LIPF: variants seen among roughly 807,000 people sequenced by gnomAD.
LIPF encodes the protein gastric triacylglycerol lipase.
In LIPF, 25 loss-of-function variants were observed where a neutral mutation model predicts 38.0. The observed-to-expected ratio is 0.66, with a 90% confidence interval of 0.48 to 0.92. The LOEUF (loss-of-function observed/expected upper bound fraction) is 0.92. Among genes scored for constraint, LIPF ranks in the 40% least tolerant of loss-of-function variants. LIPF has a pLI of 0.00. For synonymous variants in LIPF, 161 were observed against 156.2 expected, an observed-to-expected ratio of 1.03 and a Z score of -0.23; for missense variants, 410 against 469.9, an observed-to-expected ratio of 0.87 and a Z score of 1.18.
Position 88,668,977 on chromosome 10 carries a change from G to A in LIPF, c.422+221G>A, listed in dbSNP as rs1841555463. The A allele has an allele frequency of 8.4e-6, 4 of 473,628 alleles. No homozygotes were observed. The Admixed American group carries it at 1.4e-4, about 16-fold the overall frequency. The allele number at this position is 473,628 out of a possible 1,614,324, so 29.3% of individuals were successfully genotyped here. On this transcript the variant is annotated intron_variant, in intron 4 of 9. Coordinates refer to ENST00000238983, the MANE Select transcript of LIPF (RefSeq NM_004190.4). ...CAGGAGTCTCCATTAGGGATTTCCA[G>A]AAAGTGATTTTCCAAATGGAATGAA... is the stretch of plus-strand genomic sequence containing the variant.
At chr10:88,676,366 G>T in intron 9 of LIPF, 86 bp downstream of exon 9, 1 of 801,908 alleles carries the variant, frequency 1.2e-6, no homozygotes, top group Non-Finnish European at 2.0e-6. Flanking sequence ...TGTTAACTGC[G>T]CATCTGTTTT....
At chr10:88,675,721 AAC>A in intron 8 of LIPF, 64 bp downstream of exon 8, 2 of 1,184,766 alleles carry the variant, frequency 1.7e-6, no homozygotes, top group Non-Finnish European at 2.5e-6. Flanking sequence ...ACTTTACCTA[AAC>A]ACATTCTTAA....
rs1841557967 is a variant in LIPF, at chr10:88,669,167, G to C, written c.422+411G>C. 1.8e-5 allele frequency: 3 copies of C among 166,948 alleles called. 1 individual carries two copies. The South Asian group carries it at 4.7e-4, about 26-fold the overall frequency. 10.3% of individuals were successfully genotyped at this position (166,948 alleles called of 1,614,324 possible). A position where few individuals can be genotyped will look rare whatever the true frequency, so the allele number is the denominator to read the frequency against. On this transcript the variant is annotated intron_variant, in intron 4 of 9. Transcript: ENST00000238983. ...GAGTGAAATTCAGATATCATGGAGAGATTATCATGGGCTTCTCTCACTGGT... is the reference window on the plus strand; with the variant it reads ...GAGTGAAATTCAGATATCATGGAGACATTATCATGGGCTTCTCTCACTGGT...
Position 88,672,073 on chromosome 10 carries a change from T to C in LIPF, c.669+108T>C, listed in dbSNP as rs1024286672. 5 of 1,083,608 alleles carry C rather than the reference T, an allele frequency of 4.6e-6. No homozygotes were observed. In the African/African-American group the frequency reaches 8.0e-5, roughly 17 times the overall value. 67.1% of individuals were successfully genotyped at this position (1,083,608 alleles called of 1,614,324 possible). ...TAAAAAGAGAACAATCATTTTTATA[T>C]CCAAAAATGGAACTGTTCGCATCTG... On this transcript the variant is annotated intron_variant, in intron 6 of 9. Transcript: ENST00000238983.
chr10:88,674,011 T>C (rs1201785193), intron 7 of LIPF, among the ~76,000 whole-genome samples: 2 of 152,180 alleles, frequency 1.3e-5, no homozygotes, highest in African/African-American at 2.4e-5. Flanking sequence ...ACATTTAAAT[T>C]CTGTAAGAGA....
chr10:88,678,684 C>T lies in LIPF; in HGVS notation c.*3C>T. On this transcript the variant is annotated 3_prime_UTR_variant, in exon 10 of 10. Coordinates refer to ENST00000238983, the MANE Select transcript of LIPF (RefSeq NM_004190.4). ...TGATATCAGAAGATAAAAAGTAGTT[C>T]TGGATTTAAAGAATTATCCGTTTGT... 4 of 1,567,848 alleles carry T rather than the reference C, an allele frequency of 2.6e-6. No individual in the cohort carries two copies. Among genetic ancestry groups the T allele is most frequent in the Non-Finnish European group, 3.5e-6 (4 of 1,138,328 alleles).
chr10:88,678,638 T>G lies in LIPF; in HGVS notation c.1154T>G (p.Val385Gly). Residue 385 changes from valine (V) to glycine (G), a missense_variant, in exon 10 of 10, where the codon GTT becomes GGT. Physicochemically the swap from Val to Gly is moderately radical, Grantham distance 109. Coordinates refer to ENST00000238983, the MANE Select transcript of LIPF (RefSeq NM_004190.4). The part of the protein sequence containing the change: ...FIWAMDAPQE[V>G]YNDIVSMISE... ...TGGGCAATGGATGCCCCTCAAGAAG[T>G]TTACAATGACATTGTTTCTATGATA... 6.2e-7 allele frequency: 1 copy of G among 1,612,734 alleles called. No individual in the cohort carries two copies. Among genetic ancestry groups the G allele is most frequent in the Admixed American group, 1.7e-5 (1 of 60,002 alleles).
In LIPF at chr10:88,669,840, T is replaced by G; in HGVS notation, c.426T>G (p.Phe142Leu). The G allele has an allele frequency of 6.2e-7, 1 of 1,604,284 alleles. No homozygotes were observed. The highest frequency in any genetic ancestry group is 8.5e-7 in the Non-Finnish European group (1 of 1,173,252). Residue 142 changes from phenylalanine (F) to leucine (L), a missense_variant, in exon 5 of 10, where the codon TTT becomes TTG. Phe to Leu is a conservative substitution (Grantham distance 22). Transcript: ENST00000238983. ...CATTTTGTCTTTTTCCTTTCAGCTT[T>G]GATGAAATGGCTAAATATGACCTTC... Reference protein sequence around the residue: ...PDSVEFWAFSFDEMAKYDLPA... With the variant: ...PDSVEFWAFSLDEMAKYDLPA...
intron 3 of LIPF, 95 bp downstream of exon 3, chr10:88,667,781 C>T: frequency 1.6e-6 from 1 of 617,876 alleles, no homozygotes; most frequent in Non-Finnish European, 2.9e-6. Flanking sequence ...CCAACTTTTC[C>T]TTCTTTTGTT....
Position 88,676,260 on chromosome 10 carries a change from A to G in LIPF, c.940A>G (p.Asn314Asp). The change falls in exon 9 of 10, where the codon AAT becomes GAT. Residue 314 changes from asparagine (N) to aspartate (D), a missense_variant. Physicochemically the swap from Asn to Asp is conservative, Grantham distance 23 (BLOSUM62 1). Transcript: ENST00000238983. ...TTATGACTGGGGAAGCCCAGTTCAG[A>G]ATAGGATGCACTATGATCAGGTAAG... ...QAYDWGSPVQ[N>D]RMHYDQSQPP... 6.2e-7 allele frequency: 1 copy of G among 1,606,860 alleles called. No homozygotes were observed. Among genetic ancestry groups the G allele is most frequent in the Non-Finnish European group, 8.5e-7 (1 of 1,174,422 alleles).
rs376527673 is a variant in LIPF at position 88,678,703 on chromosome 10, C to T, written c.*22C>T. On this transcript the variant is annotated 3_prime_UTR_variant, in exon 10 of 10. Transcript: ENST00000238983. The stretch of plus-strand genomic sequence containing the variant: ...GTAGTTCTGGATTTAAAGAATTATC[C>T]GTTTGTTTTTCCAAAATACTTTATT... 13 of 1,514,652 alleles carry T rather than the reference C, an allele frequency of 8.6e-6. No homozygotes were observed. The highest frequency in any genetic ancestry group is 1.0e-5 in the Non-Finnish European group (11 of 1,091,538). 93.8% of individuals were successfully genotyped at this position (1,514,652 alleles called of 1,614,324 possible).
chr10:88,669,004 A>G (rs1419298782), intron 4 of LIPF: 2 of 411,416 alleles, frequency 4.9e-6, no homozygotes, highest in Non-Finnish European at 4.4e-6. Context: ...TGGAATGAAC[A>G]ATATGGCTGA....
At chr10:88,668,470 C>T in intron 3 of LIPF, 88 bp from the exon 4 acceptor site, 2 of 1,088,178 alleles carry the variant, frequency 1.8e-6, no homozygotes, top group Non-Finnish European at 2.7e-6. Flanking sequence ...GTATTTAGTG[C>T]TAGTCATATG....
At position 88,665,737 on chromosome 10, in the gene LIPF, ATTTTTTT is replaced by A. The variant is rs68081693; in HGVS notation, c.-12+1264_-12+1270del. Among the ~76,000 whole-genome samples, 794 of 100,250 alleles carry A rather than the reference ATTTTTTT, an allele frequency of 7.9e-3. 8 individuals are homozygous for A. The highest frequency in any genetic ancestry group is 0.049 in the Middle Eastern group (7 of 144). 65.8% of individuals were successfully genotyped at this position (100,250 alleles called of 152,430 possible). A position where few individuals can be genotyped will look rare whatever the true frequency, so the allele number is the denominator to read the frequency against. On this transcript the variant is annotated intron_variant, in intron 1 of 9. Transcript: ENST00000238983. ...AAAAACAAGGCTTAGTTAAAAACTG[ATTTTTTT>A]TTTTTTTTTTTTTTTTTGAGACGGA...
chr10:88,670,894 G>T (rs886963142), intron 5 of LIPF, among the ~76,000 whole-genome samples: 1 of 152,166 alleles, frequency 6.6e-6, no homozygotes, highest in Non-Finnish European at 1.5e-5. Context: ...TAGTACCCAT[G>T]CAGGAGATGG....
intron 6 of LIPF, among the ~76,000 whole-genome samples, chr10:88,672,664 A>ACTCTCTCTCTCT (rs1397216884): frequency 4.9e-5 from 6 of 123,344 alleles, no homozygotes; most frequent in African/African-American, 1.6e-4. Context: ...ACACACACAC[A>ACTCTCTCTCTCT]CACACACTCT....
rs1841551545 is a variant in LIPF at position 88,668,721 on chromosome 10, C to G, written c.387C>G (p.Tyr129Ter). 1.2e-6 allele frequency: 2 copies of G among 1,614,092 alleles called. No homozygotes were observed. The highest frequency in any genetic ancestry group is 1.1e-5 in the South Asian group (1 of 91,070). ...RGNTWARRNL[Y>*]YSPDSVEFWA... ...ACACCTGGGCCAGAAGAAACTTGTA[C>G]TATTCACCAGATTCAGTTGAATTCT... The change falls in exon 4 of 10, where the codon TAC becomes TAG. Residue 129 changes from tyrosine to a stop codon, truncating the protein, a stop_gained. Transcript: ENST00000238983. LOFTEE classifies it high-confidence loss of function.
In LIPF at chr10:88,673,647, T is replaced by A. The variant is rs764026515; in HGVS notation, c.729T>A (p.Thr243=). The A allele has an allele frequency of 1.9e-6, 3 of 1,611,848 alleles. No individual in the cohort carries two copies. Among genetic ancestry groups the A allele is most frequent in the Non-Finnish European group, 2.5e-6 (3 of 1,178,046 alleles). The change falls in exon 7 of 10, where the codon ACT becomes ACA. Residue 243 remains threonine (T), a synonymous_variant. Transcript: ENST00000238983. The part of the protein sequence containing the change: ...PHNFFDQFLA[T]EVCSREMLNL... ...ACTTCTTTGATCAATTTCTTGCTAC[T>A]GAAGTGTGCTCCCGTGAGATGCTGA...
At chr10:88,674,617 T>A (rs576137676) in intron 7 of LIPF, among the ~76,000 whole-genome samples, 1 of 152,352 alleles carries the variant, frequency 6.6e-6, no homozygotes, top group South Asian at 2.1e-4. Context: ...GACTTAAACG[T>A]CTCTGTCTTG....
Sources: allele counts gnomAD v4.1 joint callset (sites outside exome capture counted in the v4.1 genomes callset), GRCh38; gene constraint gnomAD v4.1.1; transcripts MANE v1.5; gene names NCBI Gene and HGNC (gene_info 2026-07-23, HGNC 2026-07-21).